Variants in CCNH observed in about 807,000 individuals in gnomAD.
CCNH encodes the protein cyclin-H.
CCNH carries 31 observed loss-of-function variants against 41.9 expected under a neutral mutation model. That is an observed-to-expected ratio of 0.74 (90% CI 0.56 to 1.00). The LOEUF is 1.00. Ranked by LOEUF, CCNH falls within the 50% of genes least tolerant of loss-of-function variation. The probability of loss-of-function intolerance (pLI) is 0.00; values close to 1 mark genes in which losing one functional copy is unlikely to be tolerated. For synonymous variants in CCNH, 138 were observed against 136.1 expected, an observed-to-expected ratio of 1.01 and a Z score of -0.10; for missense variants, 362 against 388.4, an observed-to-expected ratio of 0.93 and a Z score of 0.57.
chr5:87,328,964 GATAAT>G (rs1281994957), intron 9 of CCNH, among the ~76,000 whole-genome samples: 1 of 130,262 alleles, frequency 7.7e-6, no homozygotes, highest in Non-Finnish European at 1.8e-5. Flanking sequence ...CTGATGGCTG[GATAAT>G]TTAATTGCAG....
chr5:87,331,104 G>C, intron 9 of CCNH: 3 of 893,302 alleles, frequency 3.4e-6, no homozygotes, highest in Non-Finnish European at 3.3e-6. Flanking sequence ...GGTAGAAATG[G>C]AAGAGATTTA....
intron 7 of CCNH, among the ~76,000 whole-genome samples, chr5:87,398,670 A>G (rs1763149706): frequency 6.6e-6 from 1 of 152,162 alleles, no homozygotes; most frequent in African/African-American, 2.4e-5. Flanking sequence ...AAGAAATTAC[A>G]TGGCCTCTTT....
downstream of CCNH, among the ~76,000 whole-genome samples, chr5:87,317,947 ACTCTTAAG>A (rs1448970371): frequency 6.6e-6 from 1 of 150,994 alleles, no homozygotes; most frequent in Admixed American, 6.6e-5. Flanking sequence ...TTTTTCTCAC[ACTCTTAAG>A]CTCATTTTTT....
At chr5:87,311,640 A>T in the CCNH span, among the ~76,000 whole-genome samples, 1 of 152,240 alleles carries the variant, frequency 6.6e-6, no homozygotes, top group Non-Finnish European at 1.5e-5. Flanking sequence ...CAGCAGCAGT[A>T]TGTGACAACA....
chr5:87,397,748 T>G (rs1395407971), intron 7 of CCNH, among the ~76,000 whole-genome samples: 2 of 152,236 alleles, frequency 1.3e-5, no homozygotes, highest in Non-Finnish European at 2.9e-5. Context: ...ATTCAGTTAC[T>G]TAGCTAGAAA....
At chr5:87,384,164 G>A (rs566301873) in intron 9 of CCNH, among the ~76,000 whole-genome samples, 4 of 152,082 alleles carry the variant, frequency 2.6e-5, no homozygotes, top group Admixed American at 6.6e-5. Context: ...CAAATTAAAT[G>A]ATATGTACAG....
chr5:87,398,776 A>C (rs944168619), intron 7 of CCNH, among the ~76,000 whole-genome samples: 3 of 152,118 alleles, frequency 2.0e-5, no homozygotes, highest in African/African-American at 7.2e-5. Context: ...GATTGAGACC[A>C]TCCTGGCTAA....
rs368308534 is a variant in CCNH, at chr5:87,367,618, A to G, written c.*90+25152T>C. On this transcript the variant is annotated intron_variant and NMD_transcript_variant, in intron 9 of 9. Transcript: ENST00000645953. ...TTAAACTTCTAACTTTTAATACTGC[A>G]TTACTTAGAAAGATGTCTTAGTGAC... Among the ~76,000 whole-genome samples, 12 of 152,314 alleles carry G rather than the reference A, an allele frequency of 7.9e-5. No homozygotes were observed. The East Asian group carries it at 1.7e-3, about 22-fold the overall frequency.
chr5:87,376,366 CAAT>C (rs1218346075), exon 1 of CCNH: 1 of 1,612,548 alleles, frequency 6.2e-7, no homozygotes, highest in Admixed American at 1.7e-5. Context: ...TCTTTTTAAA[CAAT>C]AATTGCTTGT....
chr5:87,393,202 T>C (rs1762648044), downstream of CCNH, among the ~76,000 whole-genome samples: 1 of 152,140 alleles, frequency 6.6e-6, no homozygotes, highest in African/African-American at 2.4e-5. Context: ...TTCTGGAAAG[T>C]ACAGCCTGGG....
intron 7 of CCNH, 128 bp downstream of exon 7, chr5:87,399,266 T>A (rs1214431914): frequency 8.5e-6 from 6 of 707,848 alleles, no homozygotes; most frequent in Non-Finnish European, 1.5e-5. Flanking sequence ...GTCCATTCAA[T>A]AAAGAAAATC....
chr5:87,388,482 C>T (rs184063193), downstream of CCNH, among the ~76,000 whole-genome samples: 201 of 152,302 alleles, frequency 1.3e-3, 1 homozygote, highest in East Asian at 5.8e-4. Context: ...TTTGGAAAAT[C>T]TCCAATTTTG....
chr5:87,372,374 A>G (rs1365686909), downstream of CCNH, among the ~76,000 whole-genome samples: 1 of 152,182 alleles, frequency 6.6e-6, no homozygotes, highest in African/African-American at 2.4e-5. Context: ...TTCTTAGTCC[A>G]TGCCAACTGT....
chr5:87,369,965 G>A (rs1254159324), intron 9 of CCNH: 2 of 1,320,382 alleles, frequency 1.5e-6, no homozygotes, highest in African/African-American at 2.9e-5. Flanking sequence ...TTATTAACTG[G>A]AATAGAAAAT....
downstream of CCNH, among the ~76,000 whole-genome samples, chr5:87,375,650 G>A (rs2112488966): frequency 6.6e-6 from 1 of 152,088 alleles, no homozygotes; most frequent in Non-Finnish European, 1.5e-5. Flanking sequence ...TTCACTTCTG[G>A]TAGTCAAAGG....
At chr5:87,327,330 C>G (rs1580270147) in intron 9 of CCNH, among the ~76,000 whole-genome samples, 1 of 152,234 alleles carries the variant, frequency 6.6e-6, no homozygotes, top group South Asian at 2.1e-4. Context: ...ACTATAAAGC[C>G]TATGTAGTAT....
At chr5:87,335,419 GTTTTTTTTTTTT>G (rs34986349) in intron 9 of CCNH, among the ~76,000 whole-genome samples, 4 of 72,888 alleles carry the variant, frequency 5.5e-5, no homozygotes, top group African/African-American at 2.2e-4. Flanking sequence ...AAAGAATGAG[GTTTTTTTTTTTT>G]TTTTTTTTTT....
chr5:87,403,523 A>T (rs1004535883), intron 5 of CCNH, among the ~76,000 whole-genome samples: 1 of 152,148 alleles, frequency 6.6e-6, no homozygotes, highest in Non-Finnish European at 1.5e-5. Flanking sequence ...TGCACCTGTC[A>T]CCCCAGCACT....
At chr5:87,354,737 G>A (rs1363647317) in intron 9 of CCNH, among the ~76,000 whole-genome samples, 1 of 152,172 alleles carries the variant, frequency 6.6e-6, no homozygotes. Flanking sequence ...TAGGCTGAAA[G>A]CTAGGTCTCT....
Sources: gnomAD v4.1 joint callset for allele counts (sites outside exome capture counted in the v4.1 genomes callset) on GRCh38, gnomAD v4.1.1 for gene constraint, MANE v1.5 for transcripts, NCBI Gene and HGNC (gene_info 2026-07-23, HGNC 2026-07-21) for gene names.